The following PTPRM variants were observed in gnomAD, a reference collection of about 807,000 sequenced individuals.
PTPRM encodes receptor-type tyrosine-protein phosphatase mu.
A neutral mutation model predicts 186.7 loss-of-function variants in PTPRM; 47 were observed. The ratio of observed to expected loss-of-function variants is 0.25; its 90% CI spans 0.20 to 0.32. The LOEUF (loss-of-function observed/expected upper bound fraction) is 0.32, where lower values mean the gene tolerates loss of function less well. PTPRM is among the 10% of genes least tolerant of loss of function. PTPRM has a pLI of 1.00. For synonymous variants in PTPRM, 668 were observed against 674.9 expected, an observed-to-expected ratio of 0.99 and a Z score of 0.16; for missense variants, 1,494 against 1,865.0, an observed-to-expected ratio of 0.80 and a Z score of 3.66.
intron 23 of PTPRM, among the ~76,000 whole-genome samples, chr18:8,345,125 C>T (rs1446280524): frequency 6.6e-6 from 1 of 152,040 alleles, no homozygotes; most frequent in African/African-American, 2.4e-5. Context: ...ATGCAAATAA[C>T]ATGGTACCAG....
chr18:8,352,246 G>A (rs970226911), intron 23 of PTPRM, among the ~76,000 whole-genome samples: 27 of 152,198 alleles, frequency 1.8e-4, no homozygotes, highest in Non-Finnish European at 1.5e-5. Context: ...GGTCTTCTCG[G>A]AGCACGTGGT....
intron 23 of PTPRM, among the ~76,000 whole-genome samples, chr18:8,354,212 T>TAA (rs3049398): frequency 0.79 from 113,253 of 143,818 alleles, 45,918 homozygotes; most frequent in Middle Eastern, 0.95. Flanking sequence ...GATTCCGTCT[T>TAA]AAAAAAAAAA....
In PTPRM at chr18:8,112,776, T is replaced by C. The variant is rs1034788121; in HGVS notation, c.1857-710T>C. Among the ~76,000 whole-genome samples the C allele has an allele frequency of 4.9e-4, 75 of 152,218 alleles. 1 individual carries two copies. Among genetic ancestry groups the C allele is most frequent in the Non-Finnish European group, 3.2e-4 (22 of 68,040 alleles). ...CGGGTACCAGAGACCTACTCCTTAGTGGGGCTGTCATCCTTGCAGGCGTCT... is the reference window on the plus strand; with the variant it reads ...CGGGTACCAGAGACCTACTCCTTAGCGGGGCTGTCATCCTTGCAGGCGTCT... On this transcript the variant is annotated intron_variant, in intron 11 of 32. Transcript: ENST00000580170.
At chr18:7,764,499 A>G (rs902212376) in intron 1 of PTPRM, among the ~76,000 whole-genome samples, 3 of 152,166 alleles carry the variant, frequency 2.0e-5, no homozygotes, top group African/African-American at 7.2e-5. Context: ...AAAACCACAG[A>G]TTCATGGGGC....
At chr18:7,952,772 G>C (rs532259594) in intron 6 of PTPRM, among the ~76,000 whole-genome samples, 1 of 152,148 alleles carries the variant, frequency 6.6e-6, no homozygotes, top group East Asian at 1.9e-4. Context: ...TTGGGAGGCC[G>C]AGGCTGGCAG....
intron 7 of PTPRM, among the ~76,000 whole-genome samples, chr18:7,986,018 C>G (rs2082945616): frequency 6.6e-6 from 1 of 152,086 alleles, no homozygotes; most frequent in African/African-American, 2.4e-5. Flanking sequence ...GTAAAACTTT[C>G]AGAATTCCTC....
At chr18:7,962,132 C>T (rs1249380520) in intron 7 of PTPRM, among the ~76,000 whole-genome samples, 5 of 152,106 alleles carry the variant, frequency 3.3e-5, no homozygotes, top group African/African-American at 1.2e-4. Flanking sequence ...TTTTGTGAAT[C>T]TCCTATTTTT....
chr18:7,805,162 T>A (rs532983873), intron 2 of PTPRM, among the ~76,000 whole-genome samples: 1 of 152,270 alleles, frequency 6.6e-6, no homozygotes, highest in South Asian at 2.1e-4. Context: ...TCTCTGCAGA[T>A]GACTTGAAGC....
chr18:8,002,780 A>C (rs2083944594), intron 7 of PTPRM, among the ~76,000 whole-genome samples: 1 of 152,158 alleles, frequency 6.6e-6, no homozygotes, highest in Non-Finnish European at 1.5e-5. Flanking sequence ...TCCCCAACAG[A>C]GGTGGAGTAA....
At chr18:8,134,246 A>G (rs984258021) in intron 13 of PTPRM, among the ~76,000 whole-genome samples, 12 of 152,300 alleles carry the variant, frequency 7.9e-5, no homozygotes, top group Admixed American at 7.8e-4. Context: ...TTCTCCATCT[A>G]TACACAGACC....
At chr18:7,750,766 A>G (rs2041176044) in intron 1 of PTPRM, among the ~76,000 whole-genome samples, 1 of 152,122 alleles carries the variant, frequency 6.6e-6, no homozygotes, top group Admixed American at 6.5e-5. Flanking sequence ...CCCACCTAGA[A>G]TTGCCTCCTT....
intron 20 of PTPRM, among the ~76,000 whole-genome samples, chr18:8,313,441 A>G (rs2095284551): frequency 6.6e-6 from 1 of 152,178 alleles, no homozygotes; most frequent in African/African-American, 2.4e-5. Context: ...ACGACAATGC[A>G]CTTTTTATTT....
chr18:7,741,452 T>A (rs577541252), intron 1 of PTPRM: 1 of 152,364 alleles, frequency 6.6e-6, no homozygotes, highest in African/African-American at 2.4e-5. Context: ...GGATCATTTT[T>A]AAAACATGGG....
At chr18:7,680,568 C>T (rs1273715868) in intron 1 of PTPRM, among the ~76,000 whole-genome samples, 3 of 152,196 alleles carry the variant, frequency 2.0e-5, no homozygotes, top group Non-Finnish European at 2.9e-5. Flanking sequence ...AACCGTTTCA[C>T]ATGCTACAAT....
At chr18:7,703,178 T>C (rs1353703112) in intron 1 of PTPRM, among the ~76,000 whole-genome samples, 2 of 152,230 alleles carry the variant, frequency 1.3e-5, no homozygotes, top group Non-Finnish European at 2.9e-5. Context: ...ATATGAAATT[T>C]GAAGTATTTT....
intron 13 of PTPRM, among the ~76,000 whole-genome samples, chr18:8,135,008 T>C (rs1260986017): frequency 6.6e-6 from 1 of 152,186 alleles, no homozygotes; most frequent in East Asian, 1.9e-4. Context: ...CTGGTATTAA[T>C]TATACTTCAT....
At chr18:8,270,730 T>G (rs1310666482) in intron 19 of PTPRM, among the ~76,000 whole-genome samples, 1 of 152,164 alleles carries the variant, frequency 6.6e-6, no homozygotes, top group Non-Finnish European at 1.5e-5. Flanking sequence ...CTTGAGGACG[T>G]TATGCAAAAT....
intron 10 of PTPRM, 33 bp from the exon 11 acceptor site, chr18:8,088,716 A>C: frequency 6.7e-7 from 1 of 1,493,764 alleles, no homozygotes; most frequent in South Asian, 1.1e-5. Context: ...AACCAGAAAT[A>C]ATGAGTCTCC....
rs541096487 is a variant in PTPRM, at chr18:8,243,835, T to C, written c.2301-223T>C. ...GTTTTATCTTTCTGGTTGTTTGGGG[T>C]TTTTTATTTTGTTTTGTTTTTTGAG... On this transcript the variant is annotated intron_variant, in intron 14 of 32. Coordinates refer to ENST00000580170, the MANE Select transcript of PTPRM (RefSeq NM_001105244.2). 9.2e-4 allele frequency among the ~76,000 whole-genome samples: 140 copies of C among 152,144 alleles called. 2 individuals are homozygous for C. The South Asian group carries it at 0.028, about 31-fold the overall frequency.
Sources: allele counts gnomAD v4.1 joint callset (sites outside exome capture counted in the v4.1 genomes callset), GRCh38; gene constraint gnomAD v4.1.1; transcripts MANE v1.5; gene names NCBI Gene and HGNC (gene_info 2026-07-23, HGNC 2026-07-21).